ITGA8: variants seen among roughly 807,000 people sequenced by gnomAD.
ITGA8 encodes integrin alpha-8.
A neutral mutation model predicts 142.3 loss-of-function variants in ITGA8; 91 were observed. The ratio of observed to expected loss-of-function variants is 0.64; its 90% CI spans 0.54 to 0.76. ITGA8 has a LOEUF of 0.76. ITGA8 is among the 30% of genes least tolerant of loss of function. ITGA8 has a pLI of 0.00. For synonymous variants in ITGA8, 505 were observed against 485.2 expected (o/e 1.04, Z -0.54); for missense variants, 1,406 against 1,327.7 (o/e 1.06, Z -0.92).
At chr10:15,647,168 A>C in intron 11 of ITGA8, 117 bp from the exon 12 acceptor site, 1 of 736,544 alleles carries the variant, frequency 1.4e-6, no homozygotes, top group Non-Finnish European at 2.3e-6. Flanking sequence ...TCTGAGGGTT[A>C]TTTTACAATC....
chr10:15,554,753 T>A (rs532151129), intron 26 of ITGA8, among the ~76,000 whole-genome samples: 2 of 151,628 alleles, frequency 1.3e-5, no homozygotes, highest in Admixed American at 1.3e-4. Context: ...CTTTCTTTTT[T>A]TTTTAATGAA....
Position 15,671,650 on chromosome 10 carries a change from GT to G in ITGA8, c.803-4del. 1 of 1,611,124 alleles carries G rather than the reference GT, an allele frequency of 6.2e-7. No individual in the cohort carries two copies. Among genetic ancestry groups the G allele is most frequent in the Non-Finnish European group, 8.5e-7 (1 of 1,177,634 alleles). ...CTCCCCAGCAGCAACTGAGTATCCT[GT>G]TTTAAAGAAAAAGAAACAAACTAAT... is the stretch of plus-strand genomic sequence containing the variant. On this transcript the variant is annotated splice_region_variant and splice_polypyrimidine_tract_variant and intron_variant, in intron 7 of 29. Transcript: ENST00000378076.
chr10:15,660,074 C>T (rs550632762), intron 9 of ITGA8, among the ~76,000 whole-genome samples: 3 of 152,252 alleles, frequency 2.0e-5, no homozygotes, highest in Non-Finnish European at 2.9e-5. Context: ...TAATGCAATT[C>T]ATTAAAATAA....
intron 27 of ITGA8, among the ~76,000 whole-genome samples, chr10:15,547,783 A>C (rs1833705708): frequency 6.6e-6 from 1 of 152,098 alleles, no homozygotes; most frequent in African/African-American, 2.4e-5. Flanking sequence ...TTTCCCTTCT[A>C]AATTGATTTC....
In ITGA8 at chr10:15,711,656, C is replaced by G. The variant is rs186018222; in HGVS notation, c.343+7110G>C. On this transcript the variant is annotated intron_variant, in intron 2 of 29. Coordinates refer to ENST00000378076, the MANE Select transcript of ITGA8 (RefSeq NM_003638.3). ...TATAGAAAGTTCCATCAACCTCCCC[C>G]CCAAAAGATTCCCTGCTATTACACC... 4.1e-4 allele frequency among the ~76,000 whole-genome samples: 63 copies of G among 152,106 alleles called. No individual in the cohort carries two copies. The East Asian group carries it at 0.01, about 25-fold the overall frequency.
intron 27 of ITGA8, among the ~76,000 whole-genome samples, chr10:15,536,183 C>T (rs1406886656): frequency 1.3e-5 from 2 of 152,134 alleles, no homozygotes; most frequent in Non-Finnish European, 2.9e-5. Flanking sequence ...CCACCAATTC[C>T]GGGCACAGTA....
chr10:15,711,531 ATTAT>A (rs1217989254), intron 2 of ITGA8, among the ~76,000 whole-genome samples: 18 of 151,984 alleles, frequency 1.2e-4, no homozygotes, highest in Middle Eastern at 3.4e-3. Context: ...ATTAATATAG[ATTAT>A]TTATTTACGT....
intron 26 of ITGA8, among the ~76,000 whole-genome samples, chr10:15,550,451 G>A (rs1833774167): frequency 2.6e-5 from 4 of 152,138 alleles, no homozygotes; most frequent in African/African-American, 7.2e-5. Flanking sequence ...CCTTCAGAGG[G>A]AAGAGGGGTG....
At position 15,657,509 on chromosome 10, in the gene ITGA8, CATT is replaced by C. The variant is rs1414401298; in HGVS notation, c.948+1487_948+1489del. The stretch of plus-strand genomic sequence containing the variant: ...CTGCTGGTTTCTTTTTCTTTTCTTT[CATT>C]TTTTTTTTTTTTTTTTTTTAACAGA... On this transcript the variant is annotated intron_variant, in intron 10 of 29. Transcript: ENST00000378076. Among the ~76,000 whole-genome samples, 19 of 116,526 alleles carry C rather than the reference CATT, an allele frequency of 1.6e-4. 2 individuals are homozygous for C. The highest frequency in any genetic ancestry group is 2.6e-4 in the Non-Finnish European group (15 of 57,004). 76.4% of individuals were successfully genotyped at this position (116,526 alleles called of 152,430 possible).
chr10:15,539,581 A>G (rs1200714093), intron 27 of ITGA8, among the ~76,000 whole-genome samples: 2 of 152,164 alleles, frequency 1.3e-5, no homozygotes, highest in East Asian at 3.8e-4. Flanking sequence ...GAGATCCTGA[A>G]TTGTCTGCCT....
chr10:15,594,624 A>G (rs769913796), intron 21 of ITGA8, among the ~76,000 whole-genome samples: 3 of 152,064 alleles, frequency 2.0e-5, no homozygotes, highest in African/African-American at 4.8e-5. Context: ...CTCTACTAAA[A>G]TACAAAAACT....
intron 22 of ITGA8, among the ~76,000 whole-genome samples, chr10:15,588,185 G>A (rs1832864548): frequency 6.6e-6 from 1 of 152,194 alleles, no homozygotes; most frequent in African/African-American, 2.4e-5. Flanking sequence ...GAGCTGGAAA[G>A]GATATGATAA....
At chr10:15,570,165 G>A (rs1834151590) in intron 25 of ITGA8, among the ~76,000 whole-genome samples, 1 of 152,130 alleles carries the variant, frequency 6.6e-6, no homozygotes, top group Admixed American at 6.5e-5. Context: ...GCTATGATTA[G>A]TTATTTAAGG....
In ITGA8 at chr10:15,719,611, C is replaced by T. The variant is rs561837147; in HGVS notation, c.161G>A (p.Gly54Asp). The stretch of plus-strand genomic sequence containing the variant: ...GTCCACGGCGTAGCCGAAGTAGCTG[C>T]CCTTGGGGCCGCTGTACACTGTGAG... ...EKLTVYSGPKGSYFGYAVDFH... is the reference protein window; with the variant it reads ...EKLTVYSGPKDSYFGYAVDFH... The change falls in exon 1 of 30, where the codon GGC (glycine) becomes GAC (aspartate). Residue 54 changes from glycine (G) to aspartate (D), a missense_variant. Physicochemically the swap from Gly to Asp is moderately conservative, Grantham distance 94. Coordinates refer to ENST00000378076, the MANE Select transcript of ITGA8 (RefSeq NM_003638.3). The T allele has an allele frequency of 1.3e-6, 2 of 1,561,344 alleles. No individual in the cohort carries two copies. The highest frequency in any genetic ancestry group is 1.2e-5 in the South Asian group (1 of 84,074).
At chr10:15,641,521 A>G (rs771640138) in intron 13 of ITGA8, among the ~76,000 whole-genome samples, 19 of 152,084 alleles carry the variant, frequency 1.2e-4, no homozygotes, top group Non-Finnish European at 2.4e-4. Context: ...TTGCTAGAGG[A>G]TGAGGATCAG....
chr10:15,644,019 G>T lies in ITGA8; in HGVS notation c.1399+11C>A. 1 of 1,605,074 alleles carries T rather than the reference G, an allele frequency of 6.2e-7. No homozygotes were observed. On this transcript the variant is annotated intron_variant, in intron 13 of 29. Coordinates refer to ENST00000378076, the MANE Select transcript of ITGA8 (RefSeq NM_003638.3). ...GTAGACTCTCACGTGGGAAAAGAAA[G>T]AAAACCTTACCTGGGTAATCATTCT...
chr10:15,622,400 T>C (rs1038812458), intron 13 of ITGA8, among the ~76,000 whole-genome samples: 1 of 152,142 alleles, frequency 6.6e-6, no homozygotes, highest in Non-Finnish European at 1.5e-5. Context: ...TTTAGAATAA[T>C]TCCAGACAAT....
chr10:15,622,597 CAAAACAA>C (rs137874065), intron 13 of ITGA8, among the ~76,000 whole-genome samples: 36,407 of 79,480 alleles, frequency 0.46, 4,511 homozygotes, highest in Admixed American at 0.55. Flanking sequence ...CAAAACAAAA[CAAAACAA>C]AAAAAAAACC....
chr10:15,695,061 G>C (rs996601800), intron 2 of ITGA8, among the ~76,000 whole-genome samples: 1 of 152,074 alleles, frequency 6.6e-6, no homozygotes, highest in Non-Finnish European at 1.5e-5. Flanking sequence ...GCTAGTTAAA[G>C]TTATGTAATT....
Sources: gnomAD v4.1 joint callset for allele counts (sites outside exome capture counted in the v4.1 genomes callset) on GRCh38, gnomAD v4.1.1 for gene constraint, MANE v1.5 for transcripts, NCBI Gene and HGNC (gene_info 2026-07-23, HGNC 2026-07-21) for gene names.